PCYT1B: variants seen among roughly 807,000 people sequenced by gnomAD.
The protein encoded by PCYT1B is phosphate cytidylyltransferase 1B, choline.
A neutral mutation model predicts 26.4 loss-of-function variants in PCYT1B; 10 were observed. The ratio of observed to expected loss-of-function variants is 0.38; its 90% CI spans 0.23 to 0.64. The LOEUF (loss-of-function observed/expected upper bound fraction) is 0.64. Among genes scored for constraint, PCYT1B ranks in the 30% least tolerant of loss-of-function variants. PCYT1B has a pLI of 0.56. For synonymous variants in PCYT1B, 131 were observed against 108.4 expected, an observed-to-expected ratio of 1.21 and a Z score of -1.29; for missense variants, 161 against 292.7, an observed-to-expected ratio of 0.55 and a Z score of 3.28.
intron 7 of PCYT1B, among the ~76,000 whole-genome samples, chrX:24,570,664 G>A (rs957138434): frequency 1.3e-4 from 15 of 111,429 alleles, no homozygotes; most frequent in African/African-American, 4.9e-4. Context: ...AATGTTTGTC[G>A]TTTTAAGCCA....
chrX:24,579,186 CA>C (rs367614190), intron 6 of PCYT1B, 129 bp downstream of exon 6: 16,612 of 345,530 alleles, frequency 0.048, 210 homozygotes, highest in African/African-American at 0.18. Flanking sequence ...CATCTCTACA[CA>C]AAAAAAAAAA....
At chrX:24,672,721 GACC>G (rs1927280535), upstream of PCYT1B, 1 of 719,433 alleles carries the variant, frequency 1.4e-6, no homozygotes, top group Non-Finnish European at 2.1e-6. Context: ...TTGCTCACTT[GACC>G]AAAGGTCAAG....
chrX:24,565,139 G>C (rs1923580986), intron 7 of PCYT1B, among the ~76,000 whole-genome samples: 1 of 110,288 alleles, frequency 9.1e-6, no homozygotes. Context: ...TGTGCCTGCT[G>C]CCTGCTGCTC....
In PCYT1B at chrX:24,639,346, G is replaced by T. The variant is rs1372965592; in HGVS notation, c.117+7643C>A. On this transcript the variant is annotated intron_variant, in intron 1 of 7. Coordinates refer to ENST00000379144, the MANE Select transcript of PCYT1B (RefSeq NM_004845.5). ...AAACTGACACTGGAACAAGACTATG[G>T]GCTCCAGCAAGTCCAGACCAAGCTT... Among the ~76,000 whole-genome samples the T allele has an allele frequency of 2.7e-5, 3 of 112,298 alleles. No homozygotes were observed. The East Asian group carries it at 8.4e-4, about 31-fold the overall frequency.
chrX:24,616,626 T>A (rs984881665), intron 2 of PCYT1B, among the ~76,000 whole-genome samples: 1 of 112,122 alleles, frequency 8.9e-6, no homozygotes, highest in Non-Finnish European at 1.9e-5. Context: ...AACTTTAGAA[T>A]CACCCTGACT....
upstream of PCYT1B, among the ~76,000 whole-genome samples, chrX:24,652,319 GA>G (rs954932607): frequency 5.3e-5 from 6 of 112,221 alleles, no homozygotes; most frequent in Non-Finnish European, 1.1e-4. Context: ...AATATTTTGG[GA>G]GGCCAAGGCG....
intron 1 of PCYT1B, among the ~76,000 whole-genome samples, chrX:24,663,743 C>T (rs1053603914): frequency 9.0e-6 from 1 of 110,653 alleles, no homozygotes; most frequent in African/African-American, 3.3e-5. Context: ...ATGGTGACAC[C>T]CCCATCTGTA....
At chrX:24,652,875 G>A (rs182909036) in intron 1 of PCYT1B, among the ~76,000 whole-genome samples, 1 of 111,714 alleles carries the variant, frequency 9.0e-6, no homozygotes, top group African/African-American at 3.2e-5. Context: ...CTTGAGGTCA[G>A]GAGTTCAAGA....
chrX:24,579,987 C>A (rs906973815), intron 5 of PCYT1B, among the ~76,000 whole-genome samples: 1 of 111,708 alleles, frequency 9.0e-6, no homozygotes, highest in Non-Finnish European at 1.9e-5. Flanking sequence ...TCAGCCTGGG[C>A]AACATGGCAA....
At chrX:24,661,861 T>C (rs1436194805) in intron 1 of PCYT1B, among the ~76,000 whole-genome samples, 1 of 112,025 alleles carries the variant, frequency 8.9e-6, no homozygotes, top group Non-Finnish European at 1.9e-5. Context: ...TTAATTTATT[T>C]AGGTATAATA....
At chrX:24,564,186 G>GA (rs11354588) in intron 7 of PCYT1B, among the ~76,000 whole-genome samples, 17 of 97,904 alleles carry the variant, frequency 1.7e-4, no homozygotes, top group East Asian at 3.3e-4. Flanking sequence ...CGTCTCAAGA[G>GA]AAAAAAAAAA....
chrX:24,558,919 A>G lies in PCYT1B; in HGVS notation c.*3374T>C, dbSNP rs968967704. The G allele has an allele frequency of 2.9e-4, 32 of 111,097 alleles. No homozygotes were observed. Among genetic ancestry groups the G allele is most frequent in the Non-Finnish European group, 1.1e-4 (6 of 53,047 alleles). The allele number at this position is 111,097 out of a possible 1,213,427, so 9.2% of individuals were successfully genotyped here. On this transcript the variant is annotated 3_prime_UTR_variant, in exon 8 of 8. Coordinates refer to ENST00000379144, the MANE Select transcript of PCYT1B (RefSeq NM_004845.5). ...AAGTGCTGAAATGAAGCAACCAGAG[A>G]GGCAGGGACCCCATATCCTGCATGG...
intron 1 of PCYT1B, among the ~76,000 whole-genome samples, chrX:24,655,850 G>T (rs1422431387): frequency 2.8e-5 from 3 of 107,398 alleles, no homozygotes; most frequent in Non-Finnish European, 5.8e-5. Flanking sequence ...GCTGATTCAG[G>T]TCTATGACCT....
chrX:24,655,531 C>T (rs1926885762), intron 1 of PCYT1B, among the ~76,000 whole-genome samples: 1 of 112,091 alleles, frequency 8.9e-6, no homozygotes, highest in African/African-American at 3.2e-5. Context: ...GCCTGTAGTC[C>T]CAACAATTTG....
At chrX:24,672,180 T>C (rs1042703805) in intron 1 of PCYT1B, among the ~76,000 whole-genome samples, 7 of 112,112 alleles carry the variant, frequency 6.2e-5, no homozygotes, top group Non-Finnish European at 5.6e-5. Context: ...AAGGAATGGG[T>C]ATTCTAATCA....
chrX:24,564,574 G>A (rs930473304), intron 7 of PCYT1B, among the ~76,000 whole-genome samples: 1 of 109,999 alleles, frequency 9.1e-6, no homozygotes, highest in African/African-American at 3.3e-5. Context: ...GGCTGGTCTC[G>A]ATCTCCTGAC....
At chrX:24,578,174 T>G (rs1485548786) in intron 6 of PCYT1B, among the ~76,000 whole-genome samples, 1 of 111,538 alleles carries the variant, frequency 9.0e-6, no homozygotes, top group Non-Finnish European at 1.9e-5. Context: ...AAGGATGAGT[T>G]CATGTCCTTT....
At chrX:24,601,767 A>G (rs1374203591) in intron 3 of PCYT1B, among the ~76,000 whole-genome samples, 1 of 111,656 alleles carries the variant, frequency 9.0e-6, no homozygotes, top group East Asian at 2.8e-4. Context: ...TAGAATGACA[A>G]AAGTCCAAAA....
chrX:24,583,454 CT>C (rs1453632699), intron 5 of PCYT1B, among the ~76,000 whole-genome samples: 1 of 112,222 alleles, frequency 8.9e-6, no homozygotes, highest in African/African-American at 3.2e-5. Flanking sequence ...AGCCAAGCCT[CT>C]GCTAAAATCC....
Sources: allele counts gnomAD v4.1 joint callset (sites outside exome capture counted in the v4.1 genomes callset), GRCh38; gene constraint gnomAD v4.1.1; transcripts MANE v1.5; gene names NCBI Gene and HGNC (gene_info 2026-07-23, HGNC 2026-07-21).